The following ABCC1 variants were observed in gnomAD, a reference collection of about 807,000 sequenced individuals.
ABCC1 encodes the protein multidrug resistance-associated protein 1.
Under a neutral mutation model 172.9 loss-of-function variants are expected in ABCC1, and 83 were observed. The ratio of observed to expected loss-of-function variants is 0.48; its 90% CI spans 0.40 to 0.58. The LOEUF is 0.58. Among genes scored for constraint, ABCC1 ranks in the 20% least tolerant of loss-of-function variants. The probability of loss-of-function intolerance (pLI) is 0.00; values close to 1 mark genes in which losing one functional copy is unlikely to be tolerated. For missense variants in ABCC1, 1,817 were observed against 2,002.7 expected (o/e 0.91, Z 1.77); for synonymous variants, 937 against 825.2 (o/e 1.14, Z -2.32).
At chr16:16,051,875 C>T (rs1346370066) in intron 10 of ABCC1, among the ~76,000 whole-genome samples, 1 of 152,200 alleles carries the variant, frequency 6.6e-6, no homozygotes, top group African/African-American at 2.4e-5. Context: ...AAGCAGCCTT[C>T]AAGCAGGAAA....
chr16:16,083,591 G>A (rs182143584), intron 17 of ABCC1, 49 bp downstream of exon 17: 45 of 1,583,454 alleles, frequency 2.8e-5, no homozygotes, highest in Admixed American at 2.2e-4. Context: ...CTGTTGCCGC[G>A]TAACAAATGC....
chr16:16,020,067 G>A (rs571631689), intron 5 of ABCC1, among the ~76,000 whole-genome samples: 12 of 152,102 alleles, frequency 7.9e-5, no homozygotes, highest in Admixed American at 3.3e-4. Flanking sequence ...GACTACAGGC[G>A]CACACCACCA....
chr16:16,029,095 C>T (rs2048473425), intron 5 of ABCC1, among the ~76,000 whole-genome samples: 1 of 152,232 alleles, frequency 6.6e-6, no homozygotes. Context: ...CTCCGAGCCC[C>T]AGAGCGGAGC....
intron 1 of ABCC1, among the ~76,000 whole-genome samples, chr16:15,990,535 C>A (rs955135136): frequency 6.6e-6 from 1 of 152,206 alleles, no homozygotes; most frequent in South Asian, 2.1e-4. Flanking sequence ...ATGAGTTTGT[C>A]TTTTTTAGAT....
At chr16:15,963,155 A>ACTATGG (rs2046173303) in intron 1 of ABCC1, among the ~76,000 whole-genome samples, 1 of 152,268 alleles carries the variant, frequency 6.6e-6, no homozygotes, top group Admixed American at 6.5e-5. Context: ...GCCAGTCATA[A>ACTATGG]AACTTTCAAG....
chr16:16,119,497 C>G (rs902190202), intron 23 of ABCC1, among the ~76,000 whole-genome samples: 6 of 151,908 alleles, frequency 3.9e-5, no homozygotes, highest in African/African-American at 1.5e-4. Context: ...TTGAGACCAG[C>G]CTGGCCAACA....
At chr16:15,968,440 C>T (rs566111659) in intron 1 of ABCC1, among the ~76,000 whole-genome samples, 1 of 152,036 alleles carries the variant, frequency 6.6e-6, no homozygotes, top group East Asian at 1.9e-4. Flanking sequence ...CAGAGTCTTG[C>T]TCTATTACCC....
chr16:16,014,315 G>T (rs569621769), intron 3 of ABCC1, among the ~76,000 whole-genome samples, 176 bp from the exon 4 acceptor site: 1 of 152,136 alleles, frequency 6.6e-6, no homozygotes, highest in East Asian at 1.9e-4. Context: ...GCATGGTGGC[G>T]GGCACCTGTA....
chr16:16,064,696 C>T (rs1222022396), intron 12 of ABCC1, among the ~76,000 whole-genome samples: 5 of 152,218 alleles, frequency 3.3e-5, no homozygotes, highest in African/African-American at 9.6e-5. Flanking sequence ...TCACCTACCC[C>T]GTCCCCACCC....
chr16:16,075,390 C>A (rs1053183741), intron 14 of ABCC1, among the ~76,000 whole-genome samples: 1 of 151,300 alleles, frequency 6.6e-6, no homozygotes, highest in Non-Finnish European at 1.5e-5. Flanking sequence ...TTTGGAAGGC[C>A]GAGGCAAGCA....
At chr16:15,961,314 C>T (rs180713823) in intron 1 of ABCC1, among the ~76,000 whole-genome samples, 2 of 152,010 alleles carry the variant, frequency 1.3e-5, no homozygotes, top group Non-Finnish European at 2.9e-5. Context: ...GTACTTTTTT[C>T]CTGTGGTTAA....
chr16:15,980,254 C>G (rs764423640), intron 1 of ABCC1, among the ~76,000 whole-genome samples: 8 of 152,230 alleles, frequency 5.3e-5, no homozygotes, highest in Non-Finnish European at 1.2e-4. Flanking sequence ...CCTGTAATCT[C>G]AGCACTTTGA....
intron 20 of ABCC1, among the ~76,000 whole-genome samples, chr16:16,106,142 G>A (rs1169784295): frequency 6.6e-6 from 1 of 152,048 alleles, no homozygotes; most frequent in Non-Finnish European, 1.5e-5. Flanking sequence ...CTCCCAAAGT[G>A]CTGGGATTAC....
chr16:16,093,693 C>T (rs2051344970), intron 19 of ABCC1, among the ~76,000 whole-genome samples: 1 of 152,190 alleles, frequency 6.6e-6, no homozygotes. Flanking sequence ...TCTGGTCTTG[C>T]CCAGCCTTAG....
In ABCC1 at chr16:16,071,675, C is replaced by G; in HGVS notation, c.1858C>G (p.Leu620Val). The G allele has an allele frequency of 6.2e-7, 1 of 1,614,076 alleles. No homozygotes were observed. The highest frequency in any genetic ancestry group is 8.5e-7 in the Non-Finnish European group (1 of 1,179,984). The change falls in exon 14 of 31, where the codon CTC (leucine) becomes GTC (valine). Residue 620 changes from leucine to valine, a missense_variant. This residue lies in a region of ABCC1 where 1,412 missense variants were observed against 1,600.3 expected (regional missense o/e 0.88). Coordinates refer to ENST00000399410, the MANE Select transcript of ABCC1 (RefSeq NM_004996.4). ...SVSLKRLRIF[L>V]SHEELEPDSI... ...CTCCCTCAAACGCCTGAGGATCTTT[C>G]TCTCCCATGAGGAGCTGGAACCTGA...
At chr16:16,102,752 C>T (rs2152058588) in intron 20 of ABCC1, 35 bp downstream of exon 20, 1 of 1,544,350 alleles carries the variant, frequency 6.5e-7, no homozygotes, top group African/African-American at 1.4e-5. Flanking sequence ...ACCTAAGGAC[C>T]CTGCCCTGCC....
chr16:16,018,811 G>GTA (rs2048096563), intron 5 of ABCC1, among the ~76,000 whole-genome samples: 1 of 152,100 alleles, frequency 6.6e-6, no homozygotes, highest in African/African-American at 2.4e-5. Flanking sequence ...GTTTGTGTGT[G>GTA]TGTGTGTCTT....
In ABCC1 at chr16:16,111,520, A is replaced by G. The variant is rs374082594; in HGVS notation, c.3017A>G (p.Asn1006Ser). Reference protein sequence around the residue: ...LSLWTDDPIVNGTQEHTKVRL... With the variant: ...LSLWTDDPIVSGTQEHTKVRL... ...CTCTGGACTGATGACCCCATCGTCAACGGGACTCAGGAGCACACGAAAGTC... is the reference window on the plus strand; with the variant it reads ...CTCTGGACTGATGACCCCATCGTCAGCGGGACTCAGGAGCACACGAAAGTC... The change falls in exon 22 of 31, where the codon AAC becomes AGC. Residue 1006 changes from asparagine to serine, a missense_variant. Around this residue, in one of 3 missense-constraint regions of ABCC1, gnomAD observed 1,412 missense variants for 1,600.3 expected, o/e 0.88. Transcript: ENST00000399410. 5.6e-5 allele frequency: 90 copies of G among 1,614,176 alleles called. No homozygotes were observed. In the South Asian group the frequency reaches 5.8e-4, roughly 10 times the overall value.
intron 23 of ABCC1, among the ~76,000 whole-genome samples, chr16:16,121,417 A>G (rs1330562021): frequency 6.6e-6 from 1 of 152,216 alleles, no homozygotes; most frequent in Admixed American, 6.5e-5. Flanking sequence ...TCGTGTTTAT[A>G]TTGCCAGTCA....
Sources: gnomAD v4.1 joint callset for allele counts (sites outside exome capture counted in the v4.1 genomes callset) on GRCh38, gnomAD v4.1.1 for gene constraint, gnomAD v4.1.1 regional missense constraint, MANE v1.5 for transcripts, NCBI Gene and HGNC (gene_info 2026-07-23, HGNC 2026-07-21) for gene names.